Variants in LRRK2 observed in about 807,000 individuals in gnomAD.
LRRK2 encodes the protein leucine rich repeat kinase 2.
A neutral mutation model predicts 302.6 loss-of-function variants in LRRK2; 203 were observed. The ratio of observed to expected loss-of-function variants is 0.67; its 90% CI spans 0.60 to 0.75. LRRK2 has a LOEUF of 0.75. Ranked by LOEUF, LRRK2 falls within the 30% of genes least tolerant of loss-of-function variation. The pLI is 0.00. For missense variants in LRRK2, 2,830 were observed against 2,951.0 expected (o/e 0.96, Z 0.95); for synonymous variants, 1,066 against 1,031.9 (o/e 1.03, Z -0.63).
chr12:40,364,516 C>CTT (rs35403247), intron 48 of LRRK2, among the ~76,000 whole-genome samples: 6 of 149,960 alleles, frequency 4.0e-5, no homozygotes, highest in South Asian at 2.1e-4. Flanking sequence ...TTGACTCTAA[C>CTT]TTTTTTTTTT....
intron 28 of LRRK2, 146 bp downstream of exon 28, chr12:40,306,112 C>T (rs1852124171): frequency 1.6e-6 from 1 of 634,898 alleles, no homozygotes; most frequent in African/African-American, 1.8e-5. Flanking sequence ...ATTTGCCTTT[C>T]ATTTAATGAA....
chr12:40,359,565 C>G (rs1191435523), intron 47 of LRRK2, 121 bp downstream of exon 47: 9 of 895,448 alleles, frequency 1.0e-5, no homozygotes, highest in African/African-American at 1.7e-5. Context: ...AATTTATTTT[C>G]TATCATAAAA....
chr12:40,340,977 A>G (rs999465542), intron 41 of LRRK2, among the ~76,000 whole-genome samples: 1 of 152,216 alleles, frequency 6.6e-6, no homozygotes, highest in African/African-American at 2.4e-5. Flanking sequence ...ATTTTGCTGC[A>G]GAAATATATA....
At chr12:40,254,395 GCTTGGAGT>G (rs1385249003) in intron 11 of LRRK2, among the ~76,000 whole-genome samples, 8 of 152,134 alleles carry the variant, frequency 5.3e-5, no homozygotes, top group Admixed American at 2.6e-4. Context: ...TTAATAAAAC[GCTTGGAGT>G]GGCCAGGGCA....
chr12:40,298,189 G>T, intron 23 of LRRK2, 54 bp from the exon 24 acceptor site: 1 of 1,590,100 alleles, frequency 6.3e-7, no homozygotes, highest in South Asian at 1.1e-5. Flanking sequence ...ATATTAGCTA[G>T]ACTTAAGTTC....
chr12:40,298,927 A>ACTATATATAATACTT (rs1565727388), intron 24 of LRRK2, among the ~76,000 whole-genome samples, 182 bp from the exon 25 acceptor site: 1 of 129,280 alleles, frequency 7.7e-6, no homozygotes, highest in African/African-American at 2.9e-5. Context: ...TTATATATAT[A>ACTATATATAATACTT]ATAAAAGACC....
intron 2 of LRRK2, among the ~76,000 whole-genome samples, chr12:40,229,899 GT>G: frequency 6.9e-6 from 1 of 144,416 alleles, no homozygotes; most frequent in Non-Finnish European, 1.5e-5. Flanking sequence ...AAACAAACAG[GT>G]TTTTTCCTTG....
intron 19 of LRRK2, among the ~76,000 whole-genome samples, 164 bp from the exon 20 acceptor site, chr12:40,287,187 T>A (rs1943960144): frequency 2.0e-5 from 3 of 152,016 alleles, no homozygotes; most frequent in African/African-American, 7.2e-5. Context: ...ATATATGATC[T>A]GCCACCTGTT....
At chr12:40,330,523 T>C (rs1401281195) in intron 39 of LRRK2, among the ~76,000 whole-genome samples, 1 of 152,190 alleles carries the variant, frequency 6.6e-6, no homozygotes, top group Non-Finnish European at 1.5e-5. Context: ...AGGTTGTTTT[T>C]CATTCCATCT....
chr12:40,323,691 A>T (rs535231821), intron 38 of LRRK2, among the ~76,000 whole-genome samples: 1 of 152,290 alleles, frequency 6.6e-6, no homozygotes, highest in African/African-American at 2.4e-5. Context: ...GTGTAGCCAT[A>T]GCAGGGGTTT....
At chr12:40,264,970 T>A (rs1367550905) in intron 14 of LRRK2, among the ~76,000 whole-genome samples, 1 of 152,206 alleles carries the variant, frequency 6.6e-6, no homozygotes, top group East Asian at 1.9e-4. Context: ...GGAGCCTATT[T>A]AAAATAATTA....
intron 27 of LRRK2, 96 bp downstream of exon 27, chr12:40,304,230 C>A (rs1007885188): frequency 5.2e-5 from 62 of 1,181,340 alleles, no homozygotes; most frequent in Non-Finnish European, 7.3e-5. Flanking sequence ...ATACCAATTT[C>A]ATGAAACTAG....
At position 40,308,421 on chromosome 12, in the gene LRRK2, T is replaced by C. The variant is rs190343501; in HGVS notation, c.3960-46T>C. 3 of 1,458,452 alleles carry C rather than the reference T, an allele frequency of 2.1e-6. No individual in the cohort carries two copies. The African/African-American group carries it at 4.2e-5, about 21-fold the overall frequency. The allele number at this position is 1,458,452 out of a possible 1,614,324, so 90.3% of individuals were successfully genotyped here. On this transcript the variant is annotated intron_variant, in intron 28 of 50. Coordinates refer to ENST00000298910, the MANE Select transcript of LRRK2 (RefSeq NM_198578.4). ...AAAGAACTCACCTAAATCTCAAGTA[T>C]ACTTTTAAGCAGTTTATTATTTTAT... is the stretch of plus-strand genomic sequence containing the variant.
rs529509615 is a variant in LRRK2, at chr12:40,293,963, A to G, written c.2808+300A>G. Among the ~76,000 whole-genome samples, 3 of 149,958 alleles carry G rather than the reference A, an allele frequency of 2.0e-5. No individual in the cohort carries two copies. In the South Asian group the frequency reaches 6.4e-4, roughly 32 times the overall value. On this transcript the variant is annotated intron_variant, in intron 21 of 50. Coordinates refer to ENST00000298910, the MANE Select transcript of LRRK2 (RefSeq NM_198578.4). ...TTTTCTTCTTTCTTTTCAGAACTCCATGTCTGAAAAGAGCCCAGGCTAGAC... is the reference window on the plus strand; with the variant it reads ...TTTTCTTCTTTCTTTTCAGAACTCCGTGTCTGAAAAGAGCCCAGGCTAGAC...
At chr12:40,293,236 T>C (rs1944230791) in intron 20 of LRRK2, among the ~76,000 whole-genome samples, 1 of 152,098 alleles carries the variant, frequency 6.6e-6, no homozygotes, top group African/African-American at 2.4e-5. Context: ...TGCTGGACTA[T>C]GAGCTCCTCT....
chr12:40,301,543 T>C (rs1944626163), intron 25 of LRRK2, among the ~76,000 whole-genome samples: 1 of 152,204 alleles, frequency 6.6e-6, no homozygotes, highest in African/African-American at 2.4e-5. Flanking sequence ...GGAGAATCAT[T>C]TCGATTCATT....
In LRRK2 at chr12:40,304,144, T is replaced by G. The variant is rs200778940; in HGVS notation, c.3777+10T>G. The G allele has an allele frequency of 1.2e-6, 2 of 1,609,528 alleles. No individual in the cohort carries two copies. Among genetic ancestry groups the G allele is most frequent in the Non-Finnish European group, 1.7e-6 (2 of 1,176,758 alleles). On this transcript the variant is annotated intron_variant, in intron 27 of 50. Coordinates refer to ENST00000298910, the MANE Select transcript of LRRK2 (RefSeq NM_198578.4). The stretch of plus-strand genomic sequence containing the variant: ...CAATAAACTGAAAGAGGTAAGACGA[T>G]TATTGCCACTTAAAAAATATACTTT...
In LRRK2 at chr12:40,322,502, C is replaced by T. The variant is rs1204418744; in HGVS notation, c.5501C>T (p.Ala1834Val). Residue 1834 changes from alanine (A) to valine (V), a missense_variant, in exon 37 of 51, where the codon GCA (alanine) becomes GTA (valine). Ala to Val is a moderately conservative substitution (Grantham distance 64). Transcript: ENST00000298910. ...TTACTTGATGACTTGATGAAGAAAG[C>T]AGAGGAAGGTATGTTTTGATACAAC... ...KILLDDLMKKAEEGDLLVNPD... is the reference protein window; with the variant it reads ...KILLDDLMKKVEEGDLLVNPD... 2 of 1,612,520 alleles carry T rather than the reference C, an allele frequency of 1.2e-6. No homozygotes were observed. The highest frequency in any genetic ancestry group is 1.7e-5 in the Admixed American group (1 of 59,956).
At chr12:40,276,781 C>T (rs1209845272) in intron 16 of LRRK2, among the ~76,000 whole-genome samples, 1 of 152,112 alleles carries the variant, frequency 6.6e-6, no homozygotes, top group East Asian at 1.9e-4. Context: ...TTCGTAGATA[C>T]TCAGCATCAT....
Sources: gnomAD v4.1 joint callset for allele counts (sites outside exome capture counted in the v4.1 genomes callset) on GRCh38, gnomAD v4.1.1 for gene constraint, MANE v1.5 for transcripts, NCBI Gene and HGNC (gene_info 2026-07-23, HGNC 2026-07-21) for gene names.